Variants in PLEKHG5 observed in about 807,000 individuals in gnomAD.
PLEKHG5 encodes pleckstrin homology and RhoGEF domain containing G5, also known as pleckstrin homology domain-containing family G member 5.
A neutral mutation model predicts 103.8 loss-of-function variants in PLEKHG5; 52 were observed. That is an observed-to-expected ratio of 0.50 (90% CI 0.40 to 0.63). The LOEUF is 0.63. Among genes scored for constraint, PLEKHG5 ranks in the 30% least tolerant of loss-of-function variants. The pLI, the probability that PLEKHG5 is intolerant of heterozygous loss-of-function variation, is 0.00. For synonymous variants in PLEKHG5, 592 were observed against 575.5 expected (o/e 1.03, Z -0.41); for missense variants, 1,205 against 1,347.6 (o/e 0.89, Z 1.66).
At chr1:6,502,856 G>A (rs1645311623) in intron 1 of PLEKHG5, among the ~76,000 whole-genome samples, 3 of 152,328 alleles carry the variant, frequency 2.0e-5, no homozygotes, top group South Asian at 4.1e-4. Context: ...CTCAGCTCAT[G>A]CATGAGACCT....
intron 1 of PLEKHG5, among the ~76,000 whole-genome samples, chr1:6,509,035 G>A (rs749175111): frequency 2.6e-5 from 4 of 152,192 alleles, no homozygotes; most frequent in Non-Finnish European, 4.4e-5. Context: ...CTAGAGGCCC[G>A]AGAGAGGCAG....
intron 4 of PLEKHG5, 126 bp downstream of exon 4, chr1:6,475,336 G>A (rs1378422864): frequency 1.6e-5 from 13 of 835,018 alleles, no homozygotes; most frequent in African/African-American, 3.5e-5. Context: ...GAACCCCAGC[G>A]ATCTCCCAGA....
At chr1:6,515,250 G>A (rs1013684168) in intron 1 of PLEKHG5, among the ~76,000 whole-genome samples, 6 of 151,478 alleles carry the variant, frequency 4.0e-5, no homozygotes, top group East Asian at 3.9e-4. Flanking sequence ...GGATGAGGCC[G>A]GGTGTGGTGG....
chr1:6,468,945 G>A (rs1644479527), intron 19 of PLEKHG5, 97 bp downstream of exon 19: 3 of 1,024,708 alleles, frequency 2.9e-6, no homozygotes, highest in Admixed American at 1.8e-5. Flanking sequence ...ATGACAAGAG[G>A]CCATTGGGAG....
At chr1:6,507,979 A>G (rs901448938) in intron 1 of PLEKHG5, among the ~76,000 whole-genome samples, 2 of 152,150 alleles carry the variant, frequency 1.3e-5, no homozygotes, top group Non-Finnish European at 2.9e-5. Context: ...GACCCACCAT[A>G]GCAGAGGCCA....
chr1:6,496,939 C>T, upstream of PLEKHG5: 1 of 1,511,856 alleles, frequency 6.6e-7, no homozygotes, highest in Non-Finnish European at 8.8e-7. Context: ...TCCAAGATCC[C>T]AGATCCCTGA....
At chr1:6,518,376 C>T (rs1168353154) in intron 1 of PLEKHG5, among the ~76,000 whole-genome samples, 4 of 151,224 alleles carry the variant, frequency 2.6e-5, no homozygotes, top group African/African-American at 4.8e-5. Flanking sequence ...GCCCAACCAA[C>T]ATGGAGAAAC....
At chr1:6,509,870 C>T (rs1419081829) in intron 1 of PLEKHG5, among the ~76,000 whole-genome samples, 1 of 152,218 alleles carries the variant, frequency 6.6e-6, no homozygotes, top group Non-Finnish European at 1.5e-5. Flanking sequence ...AGGGTGAGTG[C>T]TCACCCCAAA....
intron 1 of PLEKHG5, chr1:6,485,533 C>T: frequency 8.3e-7 from 1 of 1,203,734 alleles, no homozygotes; most frequent in Non-Finnish European, 1.0e-6. Flanking sequence ...CCCGCCCCCG[C>T]CGAGCGCGGG....
chr1:6,498,278 A>C (rs2148628998), upstream of PLEKHG5, among the ~76,000 whole-genome samples: 1 of 152,160 alleles, frequency 6.6e-6, no homozygotes, highest in Middle Eastern at 3.4e-3. Flanking sequence ...TCCCTCTCCC[A>C]AAGGCTAAGG....
Position 6,468,130 on chromosome 1 carries a change from C to T in PLEKHG5, c.2706G>A (p.Leu902=). ...HGTPSAPSRS[L]SELCLAVPAP... is the part of the protein sequence containing the mutation. ...CTGGAACAGCCAGGCAGAGCTCTGA[C>T]AGGCTGCGGCTGGGGGCAGAGGGTG... Residue 902 remains leucine (L), a synonymous_variant, in exon 20 of 21, where the codon CTG becomes CTA. Transcript: ENST00000377728. 6.4e-7 allele frequency: 1 copy of T among 1,573,112 alleles called. No individual in the cohort carries two copies.
rs550277459 is a variant in PLEKHG5, at chr1:6,490,269, A to T, written c.-88+1368T>A. ...ACACTGTGATGGGGGCGGGAGCTTG[A>T]ACCCATTCCACCCTCACGTAAATGG... On this transcript the variant is annotated intron_variant, in intron 1 of 20. Coordinates refer to ENST00000377728, the MANE Select transcript of PLEKHG5 (RefSeq NM_020631.6). This position sits in a 1 kb window ranked among gnomAD's most constrained non-coding sequence, Gnocchi z 8.0. Among the ~76,000 whole-genome samples the T allele has an allele frequency of 6.6e-6, 1 of 152,058 alleles. No homozygotes were observed. Among genetic ancestry groups the T allele is most frequent in the Admixed American group, 6.5e-5 (1 of 15,270 alleles).
rs1053471844 is a variant in PLEKHG5, at chr1:6,486,711, C to A, written c.-88+4926G>T. 6.6e-6 allele frequency among the ~76,000 whole-genome samples: 1 copy of A among 152,256 alleles called. No individual in the cohort carries two copies. The highest frequency in any genetic ancestry group is 1.9e-4 in the East Asian group (1 of 5,200). ...CTCTGGTGCTGGAGTCACCACTACA[C>A]GGCTGTCAAAGCGCTTTTACACTGA... On this transcript the variant is annotated intron_variant, in intron 1 of 20. Transcript: ENST00000377728. This position sits in a 1 kb window ranked among gnomAD's most constrained non-coding sequence, Gnocchi z 5.3.
upstream of PLEKHG5, chr1:6,496,564 G>T (rs1442447608): frequency 1.9e-6 from 3 of 1,573,870 alleles, no homozygotes; most frequent in African/African-American, 4.1e-5. Flanking sequence ...GCGGGGCTCT[G>T]GTCGTCTGCA....
rs760697733 is a variant in PLEKHG5, at chr1:6,515,774, G to A, written c.-165+3671C>T. 5.9e-5 allele frequency among the ~76,000 whole-genome samples: 9 copies of A among 152,114 alleles called. 1 individual carries two copies. The South Asian group carries it at 8.3e-4, about 14-fold the overall frequency. ...AGTGTATCCTCTGGACACCACCCTCGGAAGTTCTGGAGGCATGACCCCAGA... is the reference window on the plus strand; with the variant it reads ...AGTGTATCCTCTGGACACCACCCTCAGAAGTTCTGGAGGCATGACCCCAGA... On this transcript the variant is annotated intron_variant, in intron 1 of 21. Coordinates refer to the PLEKHG5 transcript ENST00000377740.
At chr1:6,509,226 T>A (rs11121985) in intron 1 of PLEKHG5, among the ~76,000 whole-genome samples, 76,909 of 152,164 alleles carry the variant, frequency 0.51, 21,079 homozygotes, top group Admixed American at 0.65. Context: ...CCGGAGACCC[T>A]AAGATTTGCC....
chr1:6,468,098 C>T lies in PLEKHG5; in HGVS notation c.2738G>A (p.Gly913Asp). 1 of 1,585,368 alleles carries T rather than the reference C, an allele frequency of 6.3e-7. No individual in the cohort carries two copies. Residue 913 changes from glycine to aspartate, a missense_variant, in exon 20 of 21, where the codon GGT (glycine) becomes GAT (aspartate). Transcript: ENST00000377728. ...SELCLAVPAP[G>D]IRTQGSPQEA... ...CTGAGGGGAGCCCTGAGTCCTAATA[C>T]CTGGGGCTGGAACAGCCAGGCAGAG...
At chr1:6,516,653 T>C (rs1218567366) in intron 1 of PLEKHG5, among the ~76,000 whole-genome samples, 2 of 151,858 alleles carry the variant, frequency 1.3e-5, no homozygotes, top group African/African-American at 4.8e-5. Context: ...TGAGACTCTG[T>C]CTCAAAAAAA....
upstream of PLEKHG5, chr1:6,497,222 C>T: frequency 1.2e-6 from 1 of 864,376 alleles, no homozygotes; most frequent in Non-Finnish European, 1.9e-6. The surrounding 1 kb of genome is among the most constrained non-coding windows in gnomAD (Gnocchi z 6.1). Flanking sequence ...CGGCGCCCAC[C>T]CCCTTGCCTG....
Sources: allele counts gnomAD v4.1 joint callset (sites outside exome capture counted in the v4.1 genomes callset), GRCh38; gene constraint gnomAD v4.1.1; non-coding constraint Gnocchi (gnomAD v3.1); transcripts MANE v1.5; gene names NCBI Gene and HGNC (gene_info 2026-07-23, HGNC 2026-07-21).